The following RUSC2 variants were observed in gnomAD, a reference collection of about 807,000 sequenced individuals.
The protein encoded by RUSC2 is RUN and SH3 domain containing 2.
Under a neutral mutation model 122.2 loss-of-function variants are expected in RUSC2, and 34 were observed. The ratio of observed to expected loss-of-function variants is 0.28; its 90% confidence interval spans 0.21 to 0.37. The LOEUF (loss-of-function observed/expected upper bound fraction) is 0.37, where lower values mean the gene tolerates loss of function less well. Ranked by LOEUF, RUSC2 falls within the 10% of genes least tolerant of loss-of-function variation. The pLI is 1.00. For missense variants in RUSC2, 1,747 were observed against 1,952.4 expected (o/e 0.89, Z 1.98); for synonymous variants, 784 against 790.0 (o/e 0.99, Z 0.13).
chr9:35,558,019 T>A lies in RUSC2; in HGVS notation c.3060+29T>A, dbSNP rs773943531. On this transcript the variant is annotated intron_variant, in intron 6 of 11. Coordinates refer to ENST00000361226, the MANE Select transcript of RUSC2 (RefSeq NM_014806.5). This position sits in a 1 kb window ranked among gnomAD's most constrained non-coding sequence, Gnocchi z 4.3. ...GGCAAGGAAATGTGGAGAGCTGAGC[T>A]CTGCCTGCAAGCCCTCACCTGTCCC... The A allele has an allele frequency of 6.8e-6, 11 of 1,608,476 alleles. No homozygotes were observed. In the South Asian group the frequency reaches 1.2e-4, roughly 18 times the overall value.
intron 1 of RUSC2, among the ~76,000 whole-genome samples, chr9:35,494,166 T>A (rs921313691): frequency 2.0e-5 from 3 of 151,832 alleles, no homozygotes; most frequent in South Asian, 2.1e-4. Context: ...TTTTTTTTTT[T>A]AAATAACAAC....
Position 35,560,455 on chromosome 9 carries a change from A to G in RUSC2, c.3815A>G (p.Tyr1272Cys). 1 of 1,614,210 alleles carries G rather than the reference A, an allele frequency of 6.2e-7. No individual in the cohort carries two copies. The highest frequency in any genetic ancestry group is 8.5e-7 in the Non-Finnish European group (1 of 1,180,008). ...WARGGQAGWW[Y>C]QLMQSSQVYI... ...CGAGGTGGGCAGGCCGGCTGGTGGT[A>G]CCAGCTCATGCAGAGCTCCCAGGTC... The change falls in exon 10 of 12, where the codon TAC (tyrosine) becomes TGC (cysteine). Residue 1272 changes from tyrosine (Y) to cysteine (C), a missense_variant. Tyr to Cys is a radical substitution (Grantham distance 194). Transcript: ENST00000361226.
chr9:35,560,017 C>CTT lies in RUSC2; in HGVS notation c.3389-9_3389-8dup. The CTT allele has an allele frequency of 6.3e-7, 1 of 1,575,398 alleles. No individual in the cohort carries two copies. Among genetic ancestry groups the CTT allele is most frequent in the South Asian group, 1.2e-5 (1 of 86,886 alleles). On this transcript the variant is annotated splice_polypyrimidine_tract_variant and intron_variant, in intron 9 of 11. Transcript: ENST00000361226. ...TCTCTGTGTGGATCAGTCCCTCTCT[C>CTT]TTTTCCCCTAGACATCATCCAGACC...
In RUSC2 at chr9:35,548,306, T is replaced by C. The variant is rs377673058; in HGVS notation, c.1785T>C (p.His595=). 5 of 1,613,914 alleles carry C rather than the reference T, an allele frequency of 3.1e-6. No individual in the cohort carries two copies. In the African/African-American group the frequency reaches 6.7e-5, roughly 22 times the overall value. Residue 595 remains histidine (H), a synonymous_variant, in exon 2 of 12, where the codon CAT becomes CAC. Coordinates refer to ENST00000361226, the MANE Select transcript of RUSC2 (RefSeq NM_014806.5). The surrounding 1 kb of genome is among the most constrained non-coding windows in gnomAD (Gnocchi z 4.5). The part of the protein sequence containing the change: ...APLDEGTCCS[H]SLPPMPLGPG... ...TGGATGAGGGCACTTGCTGTAGCCATAGCCTGCCACCCATGCCTTTGGGGC... is the reference window on the plus strand; with the variant it reads ...TGGATGAGGGCACTTGCTGTAGCCACAGCCTGCCACCCATGCCTTTGGGGC...
intron 1 of RUSC2, among the ~76,000 whole-genome samples, chr9:35,495,001 A>G (rs1820652681): frequency 8.8e-6 from 1 of 113,248 alleles, no homozygotes. Flanking sequence ...TTTATATATT[A>G]TATATACTAC....
At chr9:35,498,767 A>G (rs1820767016) in intron 1 of RUSC2, among the ~76,000 whole-genome samples, 3 of 151,436 alleles carry the variant, frequency 2.0e-5, no homozygotes, top group Non-Finnish European at 4.4e-5. Flanking sequence ...AGGCTAAGGC[A>G]GGGGAATCAC....
intron 1 of RUSC2, among the ~76,000 whole-genome samples, chr9:35,525,952 C>T (rs956393633): frequency 2.0e-5 from 3 of 152,104 alleles, no homozygotes; most frequent in African/African-American, 7.2e-5. Context: ...ATTAGCTGGG[C>T]GTGATGGCAC....
chr9:35,509,024 A>T (rs1820967560), intron 1 of RUSC2, among the ~76,000 whole-genome samples: 1 of 149,950 alleles, frequency 6.7e-6, no homozygotes, highest in Admixed American at 6.7e-5. Flanking sequence ...ATTAGTCTTT[A>T]AAAAAAAAAG....
rs747669889 is a variant in RUSC2, at chr9:35,558,590, T to C, written c.3341+23T>C. ...CAAGTGAGTGCACAGAGCAGCAAGA[T>C]CCCCTAAACAACTTGCCCTGCCCCC... On this transcript the variant is annotated intron_variant, in intron 8 of 11. Coordinates refer to ENST00000361226, the MANE Select transcript of RUSC2 (RefSeq NM_014806.5). This position sits in a 1 kb window ranked among gnomAD's most constrained non-coding sequence, Gnocchi z 4.3. The C allele has an allele frequency of 1.9e-6, 3 of 1,592,666 alleles. No homozygotes were observed. In the Admixed American group the frequency reaches 5.0e-5, roughly 27 times the overall value.
At position 35,558,103 on chromosome 9, in the gene RUSC2, T is replaced by C. The variant is rs961858950; in HGVS notation, c.3061-94T>C. The C allele has an allele frequency of 6.3e-7, 1 of 1,586,362 alleles. No homozygotes were observed. On this transcript the variant is annotated intron_variant, in intron 6 of 11. Coordinates refer to ENST00000361226, the MANE Select transcript of RUSC2 (RefSeq NM_014806.5). The surrounding 1 kb of genome is among the most constrained non-coding windows in gnomAD (Gnocchi z 4.3). ...GAGCCCAGGGTTGGGTACTTAGGAATGGGGACGGCAAGAGGGGAACCATGA... is the reference window on the plus strand; with the variant it reads ...GAGCCCAGGGTTGGGTACTTAGGAACGGGGACGGCAAGAGGGGAACCATGA...
intron 1 of RUSC2, among the ~76,000 whole-genome samples, chr9:35,495,281 ATATT>A (rs1194442794): frequency 3.9e-4 from 44 of 112,376 alleles, no homozygotes; most frequent in South Asian, 1.4e-3. Context: ...TATATTATAT[ATATT>A]ATACATATAG....
intron 1 of RUSC2, among the ~76,000 whole-genome samples, chr9:35,492,028 T>G (rs1820577654): frequency 6.6e-6 from 1 of 152,166 alleles, no homozygotes; most frequent in Admixed American, 6.5e-5. Context: ...CTGATCTGGA[T>G]GGATTAAGCA....
At chr9:35,508,354 T>C (rs1820954209) in intron 1 of RUSC2, among the ~76,000 whole-genome samples, 2 of 152,200 alleles carry the variant, frequency 1.3e-5, no homozygotes, top group Admixed American at 1.3e-4. Context: ...TGTTTAGATA[T>C]CCACCTTCCT....
chr9:35,554,064 G>A (rs1349473191), intron 2 of RUSC2, among the ~76,000 whole-genome samples: 1 of 152,098 alleles, frequency 6.6e-6, no homozygotes, highest in African/African-American at 2.4e-5. Flanking sequence ...ACTAATTCCC[G>A]CCTCGCAGAG....
chr9:35,506,820 T>C (rs575559042), intron 1 of RUSC2, among the ~76,000 whole-genome samples: 15 of 152,116 alleles, frequency 9.9e-5, no homozygotes, highest in African/African-American at 3.6e-4. Flanking sequence ...AAAATAAATA[T>C]ATAAAAATGG....
At chr9:35,536,266 AG>A (rs1331829097) in intron 1 of RUSC2, among the ~76,000 whole-genome samples, 1 of 152,228 alleles carries the variant, frequency 6.6e-6, no homozygotes, top group African/African-American at 2.4e-5. Flanking sequence ...TTTTTGTGGA[AG>A]TTGTTTTCTT....
intron 1 of RUSC2, among the ~76,000 whole-genome samples, chr9:35,511,286 G>A (rs185697877): frequency 1.1e-4 from 16 of 152,192 alleles, no homozygotes; most frequent in African/African-American, 3.9e-4. Context: ...GGGAGAAAAG[G>A]AGGGCAGGAT....
intron 1 of RUSC2, among the ~76,000 whole-genome samples, chr9:35,544,124 A>C (rs1410827084): frequency 2.0e-5 from 3 of 151,898 alleles, no homozygotes; most frequent in African/African-American, 7.3e-5. Context: ...GCTAGTTGTT[A>C]TTGTCTGTAT....
intron 1 of RUSC2, among the ~76,000 whole-genome samples, chr9:35,497,539 G>T (rs1038869682): frequency 6.6e-6 from 1 of 152,074 alleles, no homozygotes; most frequent in Admixed American, 6.5e-5. Context: ...TCCTGAAGTC[G>T]GCAGCAGATT....
Sources: allele counts gnomAD v4.1 joint callset (sites outside exome capture counted in the v4.1 genomes callset), GRCh38; gene constraint gnomAD v4.1.1; non-coding constraint Gnocchi (gnomAD v3.1); transcripts MANE v1.5; gene names NCBI Gene and HGNC (gene_info 2026-07-23, HGNC 2026-07-21).